TENM3: variants seen among roughly 807,000 people sequenced by gnomAD.
TENM3 encodes the protein teneurin transmembrane protein 3, also known as teneurin-3.
Under a neutral mutation model 255.1 loss-of-function variants are expected in TENM3, and 63 were observed. That is an observed-to-expected ratio of 0.25 (90% CI 0.20 to 0.30). The LOEUF (loss-of-function observed/expected upper bound fraction) is 0.30, where lower values mean the gene tolerates loss of function less well. Among genes scored for constraint, TENM3 ranks in the 10% least tolerant of loss-of-function variants. TENM3 has a pLI of 1.00. For missense variants in TENM3, 2,929 were observed against 3,461.1 expected, an observed-to-expected ratio of 0.85 and a Z score of 3.86; for synonymous variants, 1,306 against 1,322.3, an observed-to-expected ratio of 0.99 and a Z score of 0.27.
At chr4:182,474,628 G>A (rs78413950) in intron 3 of TENM3, among the ~76,000 whole-genome samples, 5,238 of 152,162 alleles carry the variant, frequency 0.034, 143 homozygotes, top group South Asian at 0.12. Context: ...TTCTTTAGAG[G>A]TTTAAAAGAC....
chr4:182,527,625 T>C (rs569027786), intron 3 of TENM3, among the ~76,000 whole-genome samples: 1 of 152,336 alleles, frequency 6.6e-6, no homozygotes, highest in South Asian at 2.1e-4. Flanking sequence ...AATATAGTGA[T>C]CGTGTGAATT....
chr4:181,862,600 T>C, the TENM3 span, among the ~76,000 whole-genome samples: 1 of 152,124 alleles, frequency 6.6e-6, no homozygotes, highest in African/African-American at 2.4e-5. Context: ...ACAAAACATA[T>C]TTTCAGGTCT....
the TENM3 span, among the ~76,000 whole-genome samples, chr4:181,616,499 T>C: frequency 6.7e-6 from 1 of 149,446 alleles, no homozygotes; most frequent in Non-Finnish European, 1.5e-5. Context: ...CCATTATCCA[T>C]ATAATATTAT....
the TENM3 span, among the ~76,000 whole-genome samples, chr4:181,557,600 C>T: frequency 6.6e-6 from 1 of 152,116 alleles, no homozygotes; most frequent in African/African-American, 2.4e-5. Context: ...AATCACAGCT[C>T]ACTGCAGCTT....
intron 1 of TENM3, among the ~76,000 whole-genome samples, chr4:182,321,610 A>G (rs1763056516): frequency 6.6e-6 from 1 of 151,944 alleles, no homozygotes; most frequent in Non-Finnish European, 1.5e-5. Context: ...TGGGCAACAG[A>G]GCAAGACTCT....
At chr4:182,776,765 G>A (rs538847660) in intron 24 of TENM3, among the ~76,000 whole-genome samples, 5 of 152,166 alleles carry the variant, frequency 3.3e-5, no homozygotes, top group Non-Finnish European at 5.9e-5. Context: ...TACCTCACTT[G>A]AGGAAGGAAG....
rs1768632644 is a variant in TENM3, at chr4:182,394,101, C to T, written c.511+47172C>T. ...CATCACCGTTGGGCTATTTCAAAAC[C>T]TACAGAGTAGTTATTAAGAAGGTCA... On this transcript the variant is annotated intron_variant, in intron 3 of 27. Transcript: ENST00000511685. Among the ~76,000 whole-genome samples the T allele has an allele frequency of 4.7e-5, 7 of 150,220 alleles. No individual in the cohort carries two copies. The South Asian group carries it at 1.4e-3, about 31-fold the overall frequency.
intron 19 of TENM3, among the ~76,000 whole-genome samples, chr4:182,748,960 A>T (rs907807383): frequency 1.3e-5 from 2 of 152,192 alleles, no homozygotes; most frequent in African/African-American, 4.8e-5. Flanking sequence ...AAATAAGCAA[A>T]TATAAGCACC....
chr4:181,508,116 G>A, the TENM3 span, among the ~76,000 whole-genome samples: 1 of 152,172 alleles, frequency 6.6e-6, no homozygotes. Context: ...CTCCGTGACT[G>A]CCGTTGAAAT....
At chr4:181,968,771 A>G in the TENM3 span, among the ~76,000 whole-genome samples, 1 of 152,346 alleles carries the variant, frequency 6.6e-6, no homozygotes, top group Non-Finnish European at 1.5e-5. Flanking sequence ...TATAGTTAAC[A>G]ATAGTGTATT....
the TENM3 span, among the ~76,000 whole-genome samples, chr4:181,861,086 G>T: frequency 6.6e-6 from 1 of 152,182 alleles, no homozygotes; most frequent in African/African-American, 2.4e-5. Flanking sequence ...GAAATCTTCA[G>T]CAGGCCTTGT....
the TENM3 span, among the ~76,000 whole-genome samples, chr4:181,594,769 G>A: frequency 6.6e-6 from 1 of 152,114 alleles, no homozygotes; most frequent in Non-Finnish European, 1.5e-5. Context: ...ATAACCATGA[G>A]GCATCCAAAA....
At chr4:182,784,428 C>T (rs532906247) in intron 24 of TENM3, among the ~76,000 whole-genome samples, 23 of 151,542 alleles carry the variant, frequency 1.5e-4, no homozygotes, top group South Asian at 6.4e-4. Flanking sequence ...TCTCCAGCTG[C>T]GTGCTGGGAG....
rs139457090 is a variant in TENM3, at chr4:182,228,392, G to GTGTGTGTGTGTATA, written c.-76+83639_-76+83640insGTGTGTGTGTATAT. The stretch of plus-strand genomic sequence containing the variant: ...TGTGTGTGTGTGTGTGTGTGTGTGT[G>GTGTGTGTGTGTATA]TATATGTAATCCCTCCCAGCTCTAA... On this transcript the variant is annotated intron_variant, in intron 1 of 2. Coordinates refer to the TENM3 transcript ENST00000512480. Among the ~76,000 whole-genome samples, 375 of 104,508 alleles carry GTGTGTGTGTGTATA rather than the reference G, an allele frequency of 3.6e-3. 44 individuals carry two copies. Among genetic ancestry groups the GTGTGTGTGTGTATA allele is most frequent in the African/African-American group, 0.016 (350 of 22,464 alleles). 68.6% of individuals were successfully genotyped at this position (104,508 alleles called of 152,430 possible).
the TENM3 span, among the ~76,000 whole-genome samples, chr4:182,128,386 C>T: frequency 4.6e-5 from 7 of 151,600 alleles, no homozygotes; most frequent in Admixed American, 4.6e-4. Flanking sequence ...CTATGTTGCC[C>T]AGGTTGGTCT....
the TENM3 span, among the ~76,000 whole-genome samples, chr4:182,043,849 T>C: frequency 6.6e-6 from 1 of 152,168 alleles, no homozygotes; most frequent in African/African-American, 2.4e-5. Flanking sequence ...CTTAGGCATT[T>C]CGCCTTAGAA....
chr4:181,852,509 T>C, the TENM3 span, among the ~76,000 whole-genome samples: 1 of 152,178 alleles, frequency 6.6e-6, no homozygotes, highest in Non-Finnish European at 1.5e-5. Flanking sequence ...AAATCTGGCC[T>C]TCTTGTTTGT....
the TENM3 span, among the ~76,000 whole-genome samples, chr4:181,570,010 CAAGACACCATCCCTACA>C: frequency 6.0e-5 from 9 of 149,416 alleles, no homozygotes; most frequent in South Asian, 1.9e-3. Context: ...GGCAACCTAA[CAAGACACCATCCCTACA>C]AATGTTTCTT....
At chr4:181,985,998 C>T in the TENM3 span, among the ~76,000 whole-genome samples, 4 of 152,060 alleles carry the variant, frequency 2.6e-5, no homozygotes, top group African/African-American at 4.8e-5. Flanking sequence ...ACAAGACCCA[C>T]TTGCCAAAGT....
Sources: allele counts gnomAD v4.1 joint callset (sites outside exome capture counted in the v4.1 genomes callset), GRCh38; gene constraint gnomAD v4.1.1; transcripts MANE v1.5; gene names NCBI Gene and HGNC (gene_info 2026-07-23, HGNC 2026-07-21).